EIPR1: variants seen among roughly 807,000 people sequenced by gnomAD.
EIPR1 encodes the protein EARP and GARP complex-interacting protein 1.
Under a neutral mutation model 48.1 loss-of-function variants are expected in EIPR1, and 25 were observed. The ratio of observed to expected loss-of-function variants is 0.52; its 90% confidence interval spans 0.38 to 0.73. EIPR1 has a LOEUF of 0.73. Among genes scored for constraint, EIPR1 ranks in the 30% least tolerant of loss-of-function variants. EIPR1 has a pLI of 0.00. For synonymous variants in EIPR1, 204 were observed against 201.9 expected (o/e 1.01, Z -0.09); for missense variants, 415 against 506.2 (o/e 0.82, Z 1.73).
intron 1 of EIPR1, among the ~76,000 whole-genome samples, chr2:3,373,572 T>C (rs1659767313): frequency 6.6e-6 from 1 of 151,910 alleles, no homozygotes; most frequent in Non-Finnish European, 1.5e-5. Flanking sequence ...CAAGCATTCT[T>C]ATACACCAAT....
rs937122071 is a variant in EIPR1, at chr2:3,200,134, C to T, written c.517-3117G>A. Among the ~76,000 whole-genome samples the T allele has an allele frequency of 3.9e-5, 6 of 152,072 alleles. No homozygotes were observed. In the South Asian group the frequency reaches 6.2e-4, roughly 16 times the overall value. On this transcript the variant is annotated intron_variant, in intron 5 of 8. Coordinates refer to ENST00000382125, the MANE Select transcript of EIPR1 (RefSeq NM_003310.5). ...ATAGTCAGAGGAGCTCTCTAGGAAT[C>T]GCTTGGACAGGGGCACCAGCAGGCT...
intron 3 of EIPR1, among the ~76,000 whole-genome samples, chr2:3,266,565 T>C (rs1001216677): frequency 6.6e-6 from 1 of 152,190 alleles, no homozygotes; most frequent in Non-Finnish European, 1.5e-5. Flanking sequence ...ACACCAACTC[T>C]CTTATCCTCC....
chr2:3,249,841 C>A (rs974522591), intron 4 of EIPR1, among the ~76,000 whole-genome samples: 1 of 152,204 alleles, frequency 6.6e-6, no homozygotes, highest in Non-Finnish European at 1.5e-5. Context: ...TCAAAGGGGC[C>A]ATAGGTACAG....
At chr2:3,253,960 G>A (rs532206972) in intron 4 of EIPR1, among the ~76,000 whole-genome samples, 5 of 152,296 alleles carry the variant, frequency 3.3e-5, no homozygotes, top group Non-Finnish European at 7.4e-5. Flanking sequence ...ATGGCAGCTG[G>A]AGTGGTAGCG....
At chr2:3,311,234 G>C (rs1253871894) in intron 3 of EIPR1, among the ~76,000 whole-genome samples, 2 of 152,104 alleles carry the variant, frequency 1.3e-5, no homozygotes, top group Non-Finnish European at 2.9e-5. Context: ...ACCAGAAAAA[G>C]CCCACAGAAT....
intron 4 of EIPR1, among the ~76,000 whole-genome samples, chr2:3,228,931 A>C (rs1204421912): frequency 1.3e-5 from 2 of 152,220 alleles, no homozygotes; most frequent in Non-Finnish European, 2.9e-5. Flanking sequence ...TTTCCTTTAT[A>C]AATTACCTAG....
intron 4 of EIPR1, among the ~76,000 whole-genome samples, chr2:3,230,832 AT>A (rs1429939544): frequency 1.3e-5 from 2 of 152,132 alleles, no homozygotes; most frequent in Non-Finnish European, 2.9e-5. Flanking sequence ...TATTCAAGGT[AT>A]TTTGGGGTTC....
chr2:3,265,482 T>C (rs947062038), intron 3 of EIPR1, among the ~76,000 whole-genome samples: 1 of 152,220 alleles, frequency 6.6e-6, no homozygotes, highest in Non-Finnish European at 1.5e-5. Context: ...ACTAAGGAGC[T>C]TTTAAGAAGG....
chr2:3,323,527 G>A (rs779617184), intron 3 of EIPR1, among the ~76,000 whole-genome samples: 2 of 152,306 alleles, frequency 1.3e-5, no homozygotes, highest in South Asian at 2.1e-4. Context: ...TTGTGGCCTC[G>A]GGGCACAGGT....
intron 3 of EIPR1, among the ~76,000 whole-genome samples, chr2:3,290,127 A>G (rs1224236526): frequency 6.6e-6 from 1 of 152,226 alleles, no homozygotes; most frequent in Non-Finnish European, 1.5e-5. Context: ...GCAGGTTACA[A>G]GGGCAAGGTG....
At chr2:3,338,280 T>A (rs1040125520) in intron 2 of EIPR1, 131 bp from the exon 3 acceptor site, 3 of 1,062,072 alleles carry the variant, frequency 2.8e-6, no homozygotes, top group South Asian at 3.2e-5. Flanking sequence ...ATTGTTATTA[T>A]GCCAACAGTA....
intron 4 of EIPR1, among the ~76,000 whole-genome samples, chr2:3,226,558 C>A (rs147309159): frequency 6.6e-6 from 1 of 152,152 alleles, no homozygotes; most frequent in Non-Finnish European, 1.5e-5. Flanking sequence ...CCACTCTGTA[C>A]GCTGCCTTTT....
At chr2:3,269,611 T>C (rs1667635141) in intron 3 of EIPR1, among the ~76,000 whole-genome samples, 1 of 97,890 alleles carries the variant, frequency 1.0e-5, no homozygotes, top group Non-Finnish European at 2.0e-5. Context: ...TCGCACTCAA[T>C]CATCACAATC....
In EIPR1 at chr2:3,257,287, G is replaced by A; in HGVS notation, c.416+12C>T. 6.2e-7 allele frequency: 1 copy of A among 1,610,866 alleles called. No individual in the cohort carries two copies. Among genetic ancestry groups the A allele is most frequent in the Non-Finnish European group, 8.5e-7 (1 of 1,177,620 alleles). On this transcript the variant is annotated intron_variant, in intron 4 of 8. Transcript: ENST00000382125. ...GGCTCGTTCTGGGCGCATGAAATAT[G>A]CAAAATCCTACCAGGCCATGTTGCC...
intron 1 of EIPR1, among the ~76,000 whole-genome samples, chr2:3,361,219 T>C (rs181882798): frequency 1.4e-4 from 21 of 152,160 alleles, no homozygotes; most frequent in African/African-American, 4.8e-4. Context: ...CCTTTCCACG[T>C]AGCTAAGGGG....
At chr2:3,353,274 C>T (rs776217639) in intron 2 of EIPR1, 4 of 470,988 alleles carry the variant, frequency 8.5e-6, no homozygotes, top group South Asian at 6.2e-5. Context: ...GAAGATAACC[C>T]TTGGCTCAAT....
intron 5 of EIPR1, among the ~76,000 whole-genome samples, chr2:3,202,715 A>G (rs1156934122): frequency 6.6e-6 from 1 of 152,210 alleles, no homozygotes; most frequent in Non-Finnish European, 1.5e-5. Flanking sequence ...AAGCTCTTGC[A>G]CTTCAACTTC....
rs561476823 is a variant in EIPR1 at position 3,338,008 on chromosome 2, C to T, written c.259+9G>A. On this transcript the variant is annotated intron_variant, in intron 3 of 8. Coordinates refer to ENST00000382125, the MANE Select transcript of EIPR1 (RefSeq NM_003310.5). ...CAGTTAGCAAGTACCTTAGAAAAGC[C>T]GCACTTACTTCTGTTGTAGCAGGTC... is the stretch of plus-strand genomic sequence containing the variant. 2.4e-4 allele frequency: 379 copies of T among 1,584,790 alleles called. 3 individuals are homozygous for T. The South Asian group carries it at 4.0e-3, about 17-fold the overall frequency.
intron 4 of EIPR1, among the ~76,000 whole-genome samples, chr2:3,220,957 T>A (rs13023199): frequency 1.2e-5 from 1 of 83,848 alleles, no homozygotes; most frequent in Non-Finnish European, 2.4e-5. Context: ...CAGGTGCACA[T>A]GCACACGATG....
Sources: gnomAD v4.1 joint callset for allele counts (sites outside exome capture counted in the v4.1 genomes callset) on GRCh38, gnomAD v4.1.1 for gene constraint, MANE v1.5 for transcripts, NCBI Gene and HGNC (gene_info 2026-07-23, HGNC 2026-07-21) for gene names.